The following CORO2B variants were observed in gnomAD, a reference collection of about 807,000 sequenced individuals.
The protein encoded by CORO2B is coronin-2B.
Under a neutral mutation model 58.8 loss-of-function variants are expected in CORO2B, and 26 were observed. That is an observed-to-expected ratio of 0.44 (90% CI 0.32 to 0.61). The LOEUF (loss-of-function observed/expected upper bound fraction) is 0.61, where lower values mean the gene tolerates loss of function less well. Among genes scored for constraint, CORO2B ranks in the 20% least tolerant of loss-of-function variants. CORO2B has a pLI of 0.04. For missense variants in CORO2B, 460 were observed against 645.1 expected (o/e 0.71, Z 3.11); for synonymous variants, 242 against 253.8 (o/e 0.95, Z 0.44).
intron 2 of CORO2B, among the ~76,000 whole-genome samples, chr15:68,654,959 T>G (rs971771173): frequency 1.3e-5 from 2 of 152,120 alleles, no homozygotes; most frequent in African/African-American, 4.8e-5. Flanking sequence ...CATTTGTGCC[T>G]AAAGGGGTAC....
chr15:68,526,557 A>G, the CORO2B span, among the ~76,000 whole-genome samples: 8 of 152,244 alleles, frequency 5.3e-5, no homozygotes, highest in South Asian at 2.1e-4. Flanking sequence ...TTTGGGAACC[A>G]TCTTTTTTAA....
chr15:68,705,693 T>C (rs1197905209), intron 3 of CORO2B, among the ~76,000 whole-genome samples: 1 of 152,134 alleles, frequency 6.6e-6, no homozygotes, highest in African/African-American at 2.4e-5. Flanking sequence ...TGCCTGGGCA[T>C]AGACACCAGT....
At chr15:68,560,296 AT>A in the CORO2B span, among the ~76,000 whole-genome samples, 20,855 of 125,252 alleles carry the variant, frequency 0.17, 1,710 homozygotes, top group East Asian at 0.32. Context: ...TTCTTTCTTT[AT>A]TTTTTTTTTT....
chr15:68,679,124 G>A (rs1379759226), intron 2 of CORO2B, among the ~76,000 whole-genome samples: 1 of 152,244 alleles, frequency 6.6e-6, no homozygotes, highest in Non-Finnish European at 1.5e-5. Flanking sequence ...CGTGCTGGGT[G>A]TTGGGATACA....
At chr15:68,613,915 T>C (rs1270629593) in intron 1 of CORO2B, among the ~76,000 whole-genome samples, 1 of 152,244 alleles carries the variant, frequency 6.6e-6, no homozygotes, top group African/African-American at 2.4e-5. Context: ...TTGCTGTGAG[T>C]TTAGCTTCCT....
intron 1 of CORO2B, among the ~76,000 whole-genome samples, chr15:68,591,350 G>A (rs1337514196): frequency 1.3e-5 from 2 of 152,238 alleles, no homozygotes; most frequent in African/African-American, 4.8e-5. Context: ...GGGGAAACAT[G>A]TTTGGCTTAT....
intron 2 of CORO2B, among the ~76,000 whole-genome samples, chr15:68,670,437 C>T (rs539409574): frequency 6.6e-6 from 1 of 152,252 alleles, no homozygotes; most frequent in South Asian, 2.1e-4. Context: ...GCCTCAGCCT[C>T]TCAAAGTGCT....
intron 1 of CORO2B, among the ~76,000 whole-genome samples, chr15:68,630,678 A>G (rs1030573737): frequency 6.6e-6 from 1 of 152,124 alleles, no homozygotes; most frequent in Non-Finnish European, 1.5e-5. Context: ...TAGGATTTTC[A>G]TGGTTTTTCA....
At chr15:68,572,497 T>A in the CORO2B span, among the ~76,000 whole-genome samples, 126 of 152,142 alleles carry the variant, frequency 8.3e-4, 2 homozygotes, top group Non-Finnish European at 1.7e-3. Flanking sequence ...CTCCTTCATA[T>A]CTGTTTTGCA....
intron 1 of CORO2B, among the ~76,000 whole-genome samples, chr15:68,598,472 A>G (rs567899089): frequency 3.4e-4 from 52 of 152,296 alleles, no homozygotes; most frequent in African/African-American, 8.9e-4. Flanking sequence ...CAGCAGTCCA[A>G]TTTTCTCTAG....
chr15:68,555,216 G>T, the CORO2B span, among the ~76,000 whole-genome samples: 4 of 152,208 alleles, frequency 2.6e-5, no homozygotes, highest in African/African-American at 9.6e-5. Flanking sequence ...TGGGAAAAGT[G>T]AGTCCTGATG....
intron 2 of CORO2B, among the ~76,000 whole-genome samples, chr15:68,674,834 G>A (rs1426200558): frequency 2.0e-5 from 3 of 152,070 alleles, no homozygotes; most frequent in Non-Finnish European, 4.4e-5. Context: ...CTGCCTTCAG[G>A]AATATTCTCA....
chr15:68,628,608 T>C (rs1900746371), intron 1 of CORO2B, among the ~76,000 whole-genome samples: 1 of 152,252 alleles, frequency 6.6e-6, no homozygotes, highest in South Asian at 2.1e-4. Context: ...AGCAAAGTAA[T>C]GTTACAGTTA....
At chr15:68,621,521 T>C (rs912216388) in intron 1 of CORO2B, among the ~76,000 whole-genome samples, 1 of 152,160 alleles carries the variant, frequency 6.6e-6, no homozygotes, top group Non-Finnish European at 1.5e-5. Context: ...TGGCCTGAAC[T>C]GGAGACCAGC....
chr15:68,603,220 G>A (rs936531903), intron 1 of CORO2B, among the ~76,000 whole-genome samples: 5 of 152,168 alleles, frequency 3.3e-5, no homozygotes, highest in African/African-American at 9.7e-5. Flanking sequence ...GTACGTGGTC[G>A]CAGTAGGTGC....
chr15:68,597,922 G>A (rs1337045034), intron 1 of CORO2B, among the ~76,000 whole-genome samples: 1 of 152,222 alleles, frequency 6.6e-6, no homozygotes, highest in African/African-American at 2.4e-5. Flanking sequence ...TGAGAGGAGG[G>A]CAGGATGCAG....
chr15:68,696,066 G>A (rs1304784668), intron 3 of CORO2B, among the ~76,000 whole-genome samples: 7 of 134,394 alleles, frequency 5.2e-5, no homozygotes, highest in South Asian at 2.7e-4. Flanking sequence ...TGAGACCCCC[G>A]TCTCTACAAA....
In CORO2B at chr15:68,695,252, C is replaced by T. The variant is rs751295241; in HGVS notation, c.329C>T (p.Thr110Met). ...ATCATTGCCTCGTGCTCGGAGGACA[C>T]GTCGGTGAGCAGAGGGGTGCTCCCG... ...DNIIASCSED[T>M]SVRIWEIPEG... Residue 110 changes from threonine (T) to methionine (M), a missense_variant, in exon 3 of 12, where the codon ACG (threonine) becomes ATG (methionine). Thr to Met is a moderately conservative substitution (Grantham distance 81). Transcript: ENST00000261861. The T allele has an allele frequency of 1.4e-5, 23 of 1,612,534 alleles. No homozygotes were observed. The African/African-American group carries it at 2.7e-4, about 19-fold the overall frequency.
intron 1 of CORO2B, among the ~76,000 whole-genome samples, chr15:68,588,787 T>G (rs1251620532): frequency 6.6e-6 from 1 of 152,196 alleles, no homozygotes; most frequent in Non-Finnish European, 1.5e-5. Flanking sequence ...GAACGGCTGA[T>G]GGAAAGAAAG....
Sources: gnomAD v4.1 joint callset for allele counts (sites outside exome capture counted in the v4.1 genomes callset) on GRCh38, gnomAD v4.1.1 for gene constraint, MANE v1.5 for transcripts, NCBI Gene and HGNC (gene_info 2026-07-23, HGNC 2026-07-21) for gene names.